The following MYO16 variants were observed in gnomAD, a reference collection of about 807,000 sequenced individuals.
MYO16 encodes the protein unconventional myosin-XVI.
In MYO16, 94 loss-of-function variants were observed where a neutral mutation model predicts 205.3. The observed-to-expected ratio is 0.46, with a 90% CI of 0.39 to 0.54. The LOEUF (loss-of-function observed/expected upper bound fraction) is 0.54, where lower values mean the gene tolerates loss of function less well. MYO16 is among the 20% of genes least tolerant of loss of function. MYO16 has a pLI of 0.00. For synonymous variants in MYO16, 988 were observed against 954.0 expected, an observed-to-expected ratio of 1.04 and a Z score of -0.66; for missense variants, 2,315 against 2,387.5, an observed-to-expected ratio of 0.97 and a Z score of 0.63.
intron 24 of MYO16, chr13:109,048,334 T>C (rs947552038): frequency 2.6e-6 from 2 of 759,108 alleles, no homozygotes; most frequent in Non-Finnish European, 4.9e-6. Flanking sequence ...TTTTTATTCT[T>C]TAGGAGGAAG....
chr13:108,631,731 G>T (rs1454285178), intron 1 of MYO16, among the ~76,000 whole-genome samples: 2 of 152,132 alleles, frequency 1.3e-5, no homozygotes, highest in Non-Finnish European at 2.9e-5. Flanking sequence ...AACTAGTGAA[G>T]GGTGTTTTAT....
chr13:108,862,658 A>T (rs536605446), intron 11 of MYO16, among the ~76,000 whole-genome samples: 7 of 152,328 alleles, frequency 4.6e-5, no homozygotes, highest in African/African-American at 1.7e-4. Context: ...ACAAATAGAA[A>T]GTCCCCTAAG....
chr13:108,604,700 T>G (rs559539702), intron 1 of MYO16, among the ~76,000 whole-genome samples: 1 of 152,232 alleles, frequency 6.6e-6, no homozygotes, highest in Non-Finnish European at 1.5e-5. Flanking sequence ...CTTTTTTTAT[T>G]TTGATGAATA....
chr13:108,696,023 T>C (rs1883077936), intron 2 of MYO16, among the ~76,000 whole-genome samples: 2 of 152,176 alleles, frequency 1.3e-5, no homozygotes, highest in South Asian at 4.2e-4. Context: ...CACAGAGTGG[T>C]TTTTTCAATT....
Position 108,964,834 on chromosome 13 carries a change from C to T in MYO16, c.2301C>T (p.Tyr767=), listed in dbSNP as rs1883728260. The T allele has an allele frequency of 1.9e-6, 3 of 1,613,968 alleles. No homozygotes were observed. The highest frequency in any genetic ancestry group is 1.7e-5 in the Admixed American group (1 of 60,002). ...FFRDLLAKSL[Y]SRLFSFLVNT... ...GAGACCTCTTGGCCAAGTCCCTGTA[C>T]AGTCGTTTGTTTAGCTTTTTGGTGA... Residue 767 remains tyrosine, a synonymous_variant, in exon 20 of 35, where the codon TAC becomes TAT. Coordinates refer to ENST00000457511, the MANE Select transcript of MYO16 (RefSeq NM_001198950.3).
At chr13:108,502,197 A>T in the MYO16 span, among the ~76,000 whole-genome samples, 1 of 152,184 alleles carries the variant, frequency 6.6e-6, no homozygotes, top group East Asian at 1.9e-4. Context: ...TGGGTGACAG[A>T]ATGAGACTCC....
intron 27 of MYO16, among the ~76,000 whole-genome samples, chr13:109,083,118 C>T (rs1416107760): frequency 6.6e-6 from 1 of 152,022 alleles, no homozygotes; most frequent in East Asian, 1.9e-4. Flanking sequence ...CGAGGTAGCT[C>T]ACACCTGTAA....
chr13:108,592,925 G>T (rs546992900), upstream of MYO16, among the ~76,000 whole-genome samples: 4 of 152,114 alleles, frequency 2.6e-5, no homozygotes, highest in African/African-American at 9.6e-5. Flanking sequence ...GTACGACATT[G>T]TACTCTTCTC....
chr13:109,118,994 A>T (rs1017577487), intron 28 of MYO16, among the ~76,000 whole-genome samples: 6 of 152,224 alleles, frequency 3.9e-5, no homozygotes, highest in African/African-American at 1.4e-4. Context: ...CCATTGATCT[A>T]ACTAATTAGC....
At chr13:108,854,194 G>A (rs1275517317) in intron 10 of MYO16, among the ~76,000 whole-genome samples, 2 of 151,670 alleles carry the variant, frequency 1.3e-5, no homozygotes, top group African/African-American at 2.4e-5. Context: ...GTGAGGTTTC[G>A]CCGCGTTGGT....
intron 1 of MYO16, among the ~76,000 whole-genome samples, chr13:108,651,642 G>C (rs755023714): frequency 2.6e-5 from 4 of 152,054 alleles, no homozygotes; most frequent in Non-Finnish European, 5.9e-5. Context: ...CACAAGAAAT[G>C]GCCTATTGAT....
chr13:109,080,323 G>T (rs1182042201), intron 27 of MYO16, among the ~76,000 whole-genome samples: 1 of 152,172 alleles, frequency 6.6e-6, no homozygotes, highest in Non-Finnish European at 1.5e-5. Flanking sequence ...ACATAGAGCA[G>T]CTGGTATTTC....
At chr13:109,004,314 A>G (rs1885318000) in intron 21 of MYO16, among the ~76,000 whole-genome samples, 1 of 152,196 alleles carries the variant, frequency 6.6e-6, no homozygotes, top group Non-Finnish European at 1.5e-5. Context: ...ATTCCATAAG[A>G]GAAGTCATTA....
chr13:109,140,419 G>A lies in MYO16; in HGVS notation c.4207G>A (p.Gly1403Arg). 1.9e-6 allele frequency: 3 copies of A among 1,573,480 alleles called. No homozygotes were observed. The highest frequency in any genetic ancestry group is 8.6e-7 in the Non-Finnish European group (1 of 1,166,486). ...GGACGCGAGGCCCGCGGGCGCCCCG[G>A]GGGCAGCAGCGCGCGTTCTGACCCC... ...PGDARPAGAP[G>R]AAARVLTPGT... The change falls in exon 32 of 35, where the codon GGG becomes AGG. Residue 1403 changes from glycine to arginine, a missense_variant. This residue lies in a region of MYO16 where 1,097 missense variants were observed against 1,092.0 expected (regional missense o/e 1.00). Coordinates refer to ENST00000457511, the MANE Select transcript of MYO16 (RefSeq NM_001198950.3). The surrounding 1 kb of genome is among the most constrained non-coding windows in gnomAD (Gnocchi z 8.0).
intron 2 of MYO16, among the ~76,000 whole-genome samples, chr13:108,668,318 C>T (rs1442028309): frequency 1.3e-5 from 2 of 152,176 alleles, no homozygotes; most frequent in South Asian, 2.1e-4. Context: ...TGGACCCAAG[C>T]GGAGCTAGGG....
intron 27 of MYO16, among the ~76,000 whole-genome samples, chr13:109,098,283 A>G (rs1263225940): frequency 1.3e-5 from 2 of 152,238 alleles, no homozygotes; most frequent in Non-Finnish European, 2.9e-5. Context: ...AGGAACCATT[A>G]CAATGAACAC....
upstream of MYO16, among the ~76,000 whole-genome samples, chr13:108,626,276 C>T (rs560941028): frequency 3.8e-4 from 58 of 152,194 alleles, no homozygotes; most frequent in African/African-American, 1.4e-3. Flanking sequence ...AAATATTATG[C>T]ATTCGTATTT....
intron 23 of MYO16, among the ~76,000 whole-genome samples, chr13:109,036,251 C>T (rs1386051288): frequency 6.6e-6 from 1 of 152,112 alleles, no homozygotes; most frequent in African/African-American, 2.4e-5. Flanking sequence ...GTTCTCTTGC[C>T]TTTGGATTTC....
intron 16 of MYO16, among the ~76,000 whole-genome samples, chr13:108,920,284 C>T (rs1881682396): frequency 6.7e-6 from 1 of 150,208 alleles, no homozygotes; most frequent in African/African-American, 2.5e-5. Flanking sequence ...TCCTTTTTTT[C>T]TCTTTCTCTT....
Sources: allele counts gnomAD v4.1 joint callset (sites outside exome capture counted in the v4.1 genomes callset), GRCh38; gene constraint gnomAD v4.1.1; regional missense constraint gnomAD v4.1.1; non-coding constraint Gnocchi (gnomAD v3.1); transcripts MANE v1.5; gene names NCBI Gene and HGNC (gene_info 2026-07-23, HGNC 2026-07-21).